Variants in WDR70 observed in about 807,000 individuals in gnomAD.
WDR70 encodes WD repeat-containing protein 70.
WDR70 carries 53 observed loss-of-function variants against 88.6 expected under a neutral mutation model. That is an observed-to-expected ratio of 0.60 (90% CI 0.48 to 0.75). The LOEUF (loss-of-function observed/expected upper bound fraction) is 0.75. Among genes scored for constraint, WDR70 ranks in the 30% least tolerant of loss-of-function variants. WDR70 has a pLI of 0.00. For missense variants in WDR70, 610 were observed against 823.2 expected (o/e 0.74, Z 3.17); for synonymous variants, 280 against 270.0 (o/e 1.04, Z -0.36).
intron 9 of WDR70, among the ~76,000 whole-genome samples, chr5:37,583,777 T>C (rs574817597): frequency 5.0e-4 from 76 of 152,298 alleles, no homozygotes; most frequent in African/African-American, 1.7e-3. Context: ...AAGGACTTCA[T>C]TTCTTTAACA....
chr5:37,441,694 T>G (rs1750658462), intron 6 of WDR70, among the ~76,000 whole-genome samples: 1 of 152,176 alleles, frequency 6.6e-6, no homozygotes, highest in South Asian at 2.1e-4. Context: ...GCTACGTGCC[T>G]GTCATCCCAG....
intron 13 of WDR70, among the ~76,000 whole-genome samples, chr5:37,711,881 G>C (rs1011080298): frequency 1.3e-5 from 2 of 150,778 alleles, no homozygotes; most frequent in Non-Finnish European, 1.5e-5. Context: ...TTATATTCTT[G>C]TTGGGACTAA....
At chr5:37,421,082 A>G (rs1398002938) in intron 5 of WDR70, among the ~76,000 whole-genome samples, 1 of 152,184 alleles carries the variant, frequency 6.6e-6, no homozygotes, top group African/African-American at 2.4e-5. Context: ...ACAGTTATCC[A>G]TCCCCTTTCG....
rs755255624 is a variant in WDR70 at position 37,392,016 on chromosome 5, GGAA to G, written c.196_198del (p.Glu66del). The G allele has an allele frequency of 3.8e-5, 61 of 1,600,728 alleles. No individual in the cohort carries two copies. The South Asian group carries it at 7.0e-4, about 18-fold the overall frequency. On this transcript the variant is annotated inframe_deletion, in exon 4 of 18. Transcript: ENST00000265107. Reference sequence around the variant, plus strand: ...TCTTTTCAGAAGCAAGAGAAAAAGAGGAAGAAATGAACAGAGAGAAAGAATTAA... The same window carrying G: ...TCTTTTCAGAAGCAAGAGAAAAAGAGGAAATGAACAGAGAGAAAGAATTAA...
intron 8 of WDR70, among the ~76,000 whole-genome samples, chr5:37,494,627 A>G (rs1364978839): frequency 6.6e-6 from 1 of 152,220 alleles, no homozygotes; most frequent in Non-Finnish European, 1.5e-5. Context: ...TGATATCTAG[A>G]GCCTAAAACA....
chr5:37,604,985 A>G (rs918055599), intron 9 of WDR70, 79 bp from the exon 10 acceptor site: 4 of 1,334,764 alleles, frequency 3.0e-6, no homozygotes, highest in Non-Finnish European at 4.0e-6. Flanking sequence ...AGCAGTCTTT[A>G]TGGACTCTTC....
chr5:37,462,428 G>T (rs368172474), intron 7 of WDR70, among the ~76,000 whole-genome samples: 3 of 152,076 alleles, frequency 2.0e-5, no homozygotes, highest in Non-Finnish European at 2.9e-5. Flanking sequence ...TTAGCCTCCT[G>T]AGTAGCTGGG....
At chr5:37,445,750 T>C (rs1345742614) in intron 7 of WDR70, among the ~76,000 whole-genome samples, 1 of 152,182 alleles carries the variant, frequency 6.6e-6, no homozygotes, top group Non-Finnish European at 1.5e-5. Flanking sequence ...CCCTTCATGC[T>C]AAAAACTCTC....
intron 10 of WDR70, among the ~76,000 whole-genome samples, chr5:37,676,481 AT>A (rs1242144603): frequency 5.3e-5 from 8 of 152,094 alleles, no homozygotes; most frequent in Non-Finnish European, 7.4e-5. Context: ...TTCTGCATCT[AT>A]TGAGATAATC....
intron 9 of WDR70, among the ~76,000 whole-genome samples, chr5:37,564,106 T>C (rs1742653814): frequency 6.7e-6 from 1 of 149,896 alleles, no homozygotes; most frequent in Non-Finnish European, 1.5e-5. Flanking sequence ...GAGACGCTCC[T>C]CACTTCCCAG....
At chr5:37,714,829 C>T (rs79704447) in intron 13 of WDR70, among the ~76,000 whole-genome samples, 2,064 of 152,272 alleles carry the variant, frequency 0.014, 43 homozygotes, top group African/African-American at 0.046. Flanking sequence ...ACAAATTCTT[C>T]TCAAGTAACA....
chr5:37,614,669 C>T (rs1237248842), intron 10 of WDR70, among the ~76,000 whole-genome samples: 14 of 152,118 alleles, frequency 9.2e-5, no homozygotes, highest in Admixed American at 9.2e-4. Context: ...TGAGTAGTTG[C>T]AACAGAGTAT....
At position 37,408,337 on chromosome 5, in the gene WDR70, C is replaced by T. The variant is rs189473007; in HGVS notation, c.492+11767C>T. ...AAATATAAAAAAATTAGCCAGGTGTCATGGCACACGCCTGTAATCCCAGCT... is the reference window on the plus strand; with the variant it reads ...AAATATAAAAAAATTAGCCAGGTGTTATGGCACACGCCTGTAATCCCAGCT... On this transcript the variant is annotated intron_variant, in intron 5 of 17. Coordinates refer to ENST00000265107, the MANE Select transcript of WDR70 (RefSeq NM_018034.4). 2.9e-3 allele frequency among the ~76,000 whole-genome samples: 435 copies of T among 151,870 alleles called. 2 individuals are homozygous for T. Among genetic ancestry groups the T allele is most frequent in the African/African-American group, 0.01 (425 of 41,392 alleles).
At chr5:37,645,051 C>G (rs1745197066) in intron 10 of WDR70, among the ~76,000 whole-genome samples, 4 of 151,572 alleles carry the variant, frequency 2.6e-5, no homozygotes, top group Admixed American at 2.6e-4. Flanking sequence ...TTTTCTTGTT[C>G]TTTAAGGTGT....
chr5:37,460,303 A>ATGAT (rs1175141784), intron 7 of WDR70, among the ~76,000 whole-genome samples: 1 of 458 alleles, frequency 2.2e-3, no homozygotes, highest in African/African-American at 3.2e-3. Flanking sequence ...ATGTCCAACA[A>ATGAT]TGATAGACTG....
chr5:37,461,545 G>A (rs1192248934), intron 7 of WDR70, among the ~76,000 whole-genome samples: 3 of 151,984 alleles, frequency 2.0e-5, no homozygotes, highest in East Asian at 2.0e-4. Flanking sequence ...GTGCAGTGGC[G>A]CCATCTCCGC....
intron 13 of WDR70, among the ~76,000 whole-genome samples, chr5:37,706,375 G>A (rs557984181): frequency 6.6e-6 from 1 of 152,242 alleles, no homozygotes; most frequent in East Asian, 1.9e-4. Context: ...GAAATGATTT[G>A]TTTATGTCCC....
intron 3 of WDR70, among the ~76,000 whole-genome samples, chr5:37,385,680 A>C (rs1202098744): frequency 6.6e-6 from 1 of 152,060 alleles, no homozygotes; most frequent in Non-Finnish European, 1.5e-5. Context: ...AAGTCACTTC[A>C]ATAGCATAAA....
intron 10 of WDR70, among the ~76,000 whole-genome samples, chr5:37,695,358 C>T (rs1272556146): frequency 6.6e-6 from 1 of 152,106 alleles, no homozygotes; most frequent in East Asian, 1.9e-4. Context: ...GGACACAGAT[C>T]CAAACCATAT....
Sources: gnomAD v4.1 joint callset for allele counts (sites outside exome capture counted in the v4.1 genomes callset) on GRCh38, gnomAD v4.1.1 for gene constraint, MANE v1.5 for transcripts, NCBI Gene and HGNC (gene_info 2026-07-23, HGNC 2026-07-21) for gene names.